Variants in LUC7L2 observed in about 807,000 individuals in gnomAD.
LUC7L2 encodes putative RNA-binding protein Luc7-like 2.
In LUC7L2, 25 loss-of-function variants were observed where a neutral mutation model predicts 52.8. The ratio of observed to expected loss-of-function variants is 0.47; its 90% CI spans 0.34 to 0.66. The LOEUF (loss-of-function observed/expected upper bound fraction) is 0.66. Ranked by LOEUF, LUC7L2 falls within the 30% of genes least tolerant of loss-of-function variation. LUC7L2 has a pLI of 0.01. For missense variants in LUC7L2, 328 were observed against 497.8 expected (o/e 0.66, Z 3.25); for synonymous variants, 144 against 160.9 (o/e 0.89, Z 0.80).
chr7:139,375,390 G>C, intron 1 of LUC7L2: 1 of 985,314 alleles, frequency 1.0e-6, no homozygotes, highest in Non-Finnish European at 1.2e-6. Context: ...ACCTTTGGAC[G>C]CATTAAAGTT....
chr7:139,360,400 G>GGC, intron 1 of LUC7L2, 78 bp downstream of exon 1: 1 of 1,401,466 alleles, frequency 7.1e-7, no homozygotes, highest in Non-Finnish European at 9.8e-7. Flanking sequence ...GGCGCACCTG[G>GGC]GCGCGCGCGT....
At chr7:139,399,448 G>GTTTTTTTTTTTTT (rs1794799799) in intron 3 of LUC7L2, among the ~76,000 whole-genome samples, 1 of 83,124 alleles carries the variant, frequency 1.2e-5, no homozygotes, top group Admixed American at 1.3e-4. Context: ...GTGTTTGGGG[G>GTTTTTTTTTTTTT]ATTTTTTTTT....
At chr7:139,366,915 A>G (rs918548000) in intron 1 of LUC7L2, among the ~76,000 whole-genome samples, 1 of 152,134 alleles carries the variant, frequency 6.6e-6, no homozygotes, top group Non-Finnish European at 1.5e-5. Context: ...AAGTTTGAGA[A>G]ACCCTCTTCT....
At chr7:139,382,388 A>G (rs1801077596) in intron 2 of LUC7L2, among the ~76,000 whole-genome samples, 1 of 150,860 alleles carries the variant, frequency 6.6e-6, no homozygotes, top group African/African-American at 2.4e-5. Flanking sequence ...GTCTTTATTT[A>G]TTTATTTATT....
intron 2 of LUC7L2, among the ~76,000 whole-genome samples, chr7:139,393,033 G>T (rs577045053): frequency 7.9e-5 from 12 of 152,130 alleles, no homozygotes; most frequent in Admixed American, 7.8e-4. Context: ...TTGGGAGGCC[G>T]AGGCGGTTGA....
At chr7:139,406,777 G>A (rs1242308229) in intron 5 of LUC7L2, among the ~76,000 whole-genome samples, 1 of 152,080 alleles carries the variant, frequency 6.6e-6, no homozygotes, top group Non-Finnish European at 1.5e-5. Context: ...TCTGTAGAAT[G>A]TTTGCAATTC....
chr7:139,373,457 G>T (rs1174780106), intron 1 of LUC7L2, among the ~76,000 whole-genome samples: 2 of 152,104 alleles, frequency 1.3e-5, no homozygotes, highest in Non-Finnish European at 2.9e-5. Context: ...GTTTGCTACG[G>T]TTATCAAATA....
chr7:139,370,207 GTA>G (rs749913338), intron 1 of LUC7L2, among the ~76,000 whole-genome samples: 1 of 152,184 alleles, frequency 6.6e-6, no homozygotes, highest in Non-Finnish European at 1.5e-5. Context: ...TAAACTGAGT[GTA>G]TATATTAACA....
intron 2 of LUC7L2, among the ~76,000 whole-genome samples, chr7:139,386,985 C>T (rs1794230618): frequency 6.6e-6 from 1 of 151,780 alleles, no homozygotes; most frequent in African/African-American, 2.4e-5. Context: ...ATTACAGGCA[C>T]GTGCCACCAT....
At chr7:139,387,155 T>C (rs1794238264) in intron 2 of LUC7L2, among the ~76,000 whole-genome samples, 1 of 151,964 alleles carries the variant, frequency 6.6e-6, no homozygotes, top group South Asian at 2.1e-4. Flanking sequence ...ATTTTGAGAA[T>C]ACATGGTCTC....
Position 139,417,599 on chromosome 7 carries a change from A to G in LUC7L2, c.871A>G (p.Arg291Gly). 6.2e-7 allele frequency: 1 copy of G among 1,614,208 alleles called. No individual in the cohort carries two copies. The part of the protein sequence containing the change: ...SRSMSRERKR[R>G]TRSKSREKRH... ...CTCCATGTCACGTGAACGCAAGAGGAGAACTCGATCCAAATCTCGGGAGAA... is the reference window on the plus strand; with the variant it reads ...CTCCATGTCACGTGAACGCAAGAGGGGAACTCGATCCAAATCTCGGGAGAA... Residue 291 changes from arginine to glycine, a missense_variant, in exon 9 of 10, where the codon AGA becomes GGA. Physicochemically the swap from Arg to Gly is moderately radical, Grantham distance 125. Around this residue, in one of 2 missense-constraint regions of LUC7L2, gnomAD observed 195 missense variants for 223.3 expected, o/e 0.87. Coordinates refer to ENST00000354926, the MANE Select transcript of LUC7L2 (RefSeq NM_016019.5).
chr7:139,414,017 C>G (rs1795482794), intron 8 of LUC7L2, among the ~76,000 whole-genome samples: 1 of 152,112 alleles, frequency 6.6e-6, no homozygotes, highest in Non-Finnish European at 1.5e-5. Flanking sequence ...TAAAGTATTG[C>G]ACATAGAACA....
At chr7:139,342,585 C>T (rs1799041228) in intron 1 of LUC7L2, among the ~76,000 whole-genome samples, 1 of 152,172 alleles carries the variant, frequency 6.6e-6, no homozygotes. Context: ...GCCTCAGCCT[C>T]CCGAGTAGTA....
intron 9 of LUC7L2, among the ~76,000 whole-genome samples, chr7:139,420,196 G>A (rs1449451214): frequency 6.6e-6 from 1 of 152,052 alleles, no homozygotes; most frequent in East Asian, 1.9e-4. Flanking sequence ...CATTGGTTTA[G>A]GCTAAGTAAT....
intron 9 of LUC7L2, 146 bp from the exon 10 acceptor site, chr7:139,422,017 G>A (rs1257993663): frequency 3.8e-6 from 5 of 1,299,224 alleles, no homozygotes; most frequent in Non-Finnish European, 4.1e-6. Context: ...GTAGTGCTCT[G>A]TAATTTGTCA....
At chr7:139,365,579 T>A (rs1300511606) in intron 1 of LUC7L2, among the ~76,000 whole-genome samples, 2 of 152,060 alleles carry the variant, frequency 1.3e-5, no homozygotes, top group African/African-American at 2.4e-5. Flanking sequence ...TTAAAGTTGC[T>A]GTGAGTTCAG....
chr7:139,351,639 C>T (rs1038893173), intron 1 of LUC7L2, among the ~76,000 whole-genome samples: 12 of 152,228 alleles, frequency 7.9e-5, no homozygotes, highest in African/African-American at 2.9e-4. Context: ...TGCCAGACCT[C>T]TTCAGCTTCA....
At chr7:139,350,405 G>A (rs1270152449) in intron 1 of LUC7L2, among the ~76,000 whole-genome samples, 1 of 152,110 alleles carries the variant, frequency 6.6e-6, no homozygotes, top group Non-Finnish European at 1.5e-5. Flanking sequence ...ACAGGTGTGA[G>A]CCACTGCACC....
At chr7:139,362,929 T>C (rs1799960621) in intron 1 of LUC7L2, among the ~76,000 whole-genome samples, 1 of 152,212 alleles carries the variant, frequency 6.6e-6, no homozygotes. Context: ...TTACCTAAAC[T>C]TCACTGGAAT....
Sources: allele counts gnomAD v4.1 joint callset (sites outside exome capture counted in the v4.1 genomes callset), GRCh38; gene constraint gnomAD v4.1.1; regional missense constraint gnomAD v4.1.1; transcripts MANE v1.5; gene names NCBI Gene and HGNC (gene_info 2026-07-23, HGNC 2026-07-21).